Variants in TMEFF2 observed in about 807,000 individuals in gnomAD.
TMEFF2 encodes the protein transmembrane protein with EGF like and two follistatin like domains 2, also known as tomoregulin-2.
In TMEFF2, 28 loss-of-function variants were observed where a neutral mutation model predicts 53.8. The ratio of observed to expected loss-of-function variants is 0.52; its 90% CI spans 0.39 to 0.71. The LOEUF is 0.71. TMEFF2 is among the 30% of genes least tolerant of loss of function. The pLI, the probability that TMEFF2 is intolerant of heterozygous loss-of-function variation, is 0.00. For synonymous variants in TMEFF2, 162 were observed against 166.3 expected, an observed-to-expected ratio of 0.97 and a Z score of 0.20; for missense variants, 353 against 455.2, an observed-to-expected ratio of 0.78 and a Z score of 2.04.
chr2:192,037,236 C>A (rs1559096188), intron 5 of TMEFF2: 1 of 135,326 alleles, frequency 7.4e-6, no homozygotes, highest in Admixed American at 8.2e-5. Context: ...TGGGATGTTG[C>A]TAGAAGTGCA....
At chr2:192,108,839 T>C (rs945622164) in intron 4 of TMEFF2, among the ~76,000 whole-genome samples, 1 of 151,964 alleles carries the variant, frequency 6.6e-6, no homozygotes, top group African/African-American at 2.4e-5. Flanking sequence ...ATGTAATATA[T>C]AGATACTGAT....
At chr2:192,117,977 C>CTTTTTTTTTTTTTTTTTTT (rs1553521415) in intron 4 of TMEFF2, among the ~76,000 whole-genome samples, 3 of 125,040 alleles carry the variant, frequency 2.4e-5, no homozygotes, top group African/African-American at 1.1e-4. Context: ...TCTTTCATTG[C>CTTTTTTTTTTTTTTTTTTT]TTTGTTTGTG....
intron 5 of TMEFF2, among the ~76,000 whole-genome samples, chr2:192,012,018 C>T (rs1305058282): frequency 6.6e-6 from 1 of 152,086 alleles, no homozygotes; most frequent in East Asian, 1.9e-4. Flanking sequence ...TCTCGAGTAG[C>T]TGGGACTATA....
At chr2:192,062,105 T>C (rs1316239760) in intron 4 of TMEFF2, among the ~76,000 whole-genome samples, 8 of 151,878 alleles carry the variant, frequency 5.3e-5, no homozygotes, top group African/African-American at 1.5e-4. Context: ...TCAAGACACA[T>C]AGAACAACTC....
chr2:192,072,060 A>C (rs373111672), intron 4 of TMEFF2, among the ~76,000 whole-genome samples: 5 of 152,066 alleles, frequency 3.3e-5, no homozygotes, highest in African/African-American at 9.6e-5. Flanking sequence ...TTGAAAATAC[A>C]GTATGAAGCA....
intron 7 of TMEFF2, among the ~76,000 whole-genome samples, chr2:191,973,779 G>T (rs902342894): frequency 1.3e-5 from 2 of 152,020 alleles, no homozygotes; most frequent in Non-Finnish European, 2.9e-5. Context: ...TTGAATCATG[G>T]GGGCAGTTAC....
chr2:192,048,832 C>T (rs1687690580), intron 5 of TMEFF2, among the ~76,000 whole-genome samples: 1 of 152,158 alleles, frequency 6.6e-6, no homozygotes, highest in South Asian at 2.1e-4. Flanking sequence ...CTAAAAAAAC[C>T]TCAGGTTTTG....
chr2:192,075,343 T>A (rs1391716280), intron 4 of TMEFF2, among the ~76,000 whole-genome samples: 1 of 58,532 alleles, frequency 1.7e-5, no homozygotes, highest in African/African-American at 5.3e-5. Context: ...ACATACATAC[T>A]ATGTATATCC....
At chr2:192,133,959 G>A (rs1450571315) in intron 4 of TMEFF2, among the ~76,000 whole-genome samples, 1 of 152,124 alleles carries the variant, frequency 6.6e-6, no homozygotes, top group East Asian at 1.9e-4. Flanking sequence ...GGCATGGTTA[G>A]TGCAGTCAGA....
chr2:192,118,936 A>T (rs769478280), intron 4 of TMEFF2, among the ~76,000 whole-genome samples: 2 of 152,166 alleles, frequency 1.3e-5, no homozygotes, highest in Non-Finnish European at 2.9e-5. Context: ...AGGTAAGCAT[A>T]CTACTTGACA....
intron 5 of TMEFF2, among the ~76,000 whole-genome samples, chr2:192,025,297 T>C (rs1686946203): frequency 6.6e-6 from 1 of 152,040 alleles, no homozygotes; most frequent in East Asian, 1.9e-4. Flanking sequence ...AGGATGAGCC[T>C]ACAACCAAGT....
chr2:192,005,354 A>G (rs1686474805), intron 5 of TMEFF2, among the ~76,000 whole-genome samples: 1 of 152,198 alleles, frequency 6.6e-6, no homozygotes, highest in South Asian at 2.1e-4. Flanking sequence ...AATGAGTTAA[A>G]TAAGCTTCTC....
intron 5 of TMEFF2, among the ~76,000 whole-genome samples, chr2:192,005,686 G>A (rs374418725): frequency 3.9e-5 from 6 of 152,060 alleles, no homozygotes; most frequent in African/African-American, 4.8e-5. Context: ...GGGCCATTAC[G>A]CAGACCCTCT....
At chr2:192,169,567 A>G (rs929160691) in intron 4 of TMEFF2, among the ~76,000 whole-genome samples, 1 of 152,090 alleles carries the variant, frequency 6.6e-6, no homozygotes, top group South Asian at 2.1e-4. Flanking sequence ...ATATACTTAG[A>G]TAAGTATTCT....
chr2:192,001,093 G>T (rs1686346949), intron 5 of TMEFF2, among the ~76,000 whole-genome samples: 3 of 152,174 alleles, frequency 2.0e-5, no homozygotes, highest in Admixed American at 2.0e-4. Context: ...TAAAAAAGGA[G>T]TGAGGAGGTT....
chr2:192,096,667 TCTC>T (rs1178476777), intron 4 of TMEFF2, among the ~76,000 whole-genome samples: 1,593 of 32,934 alleles, frequency 0.048, 13 homozygotes, highest in African/African-American at 0.08. Context: ...TCTCTCTCTC[TCTC>T]TTTTTTTTTT....
intron 4 of TMEFF2, chr2:192,179,458 C>G: frequency 2.4e-6 from 1 of 417,932 alleles, no homozygotes; most frequent in Non-Finnish European, 4.3e-6. Flanking sequence ...GGAAGGTTAA[C>G]TGGAGATAGA....
At chr2:192,132,525 G>A (rs1689867421) in intron 4 of TMEFF2, among the ~76,000 whole-genome samples, 1 of 151,864 alleles carries the variant, frequency 6.6e-6, no homozygotes, top group Admixed American at 6.6e-5. Flanking sequence ...CCCCACAACA[G>A]GACTTAATTA....
At chr2:192,172,873 C>A (rs1341517550) in intron 4 of TMEFF2, among the ~76,000 whole-genome samples, 1 of 151,876 alleles carries the variant, frequency 6.6e-6, no homozygotes, top group Non-Finnish European at 1.5e-5. Context: ...GTAGGGCAAT[C>A]TTGCAGACTA....
Sources: gnomAD v4.1 joint callset for allele counts (sites outside exome capture counted in the v4.1 genomes callset) on GRCh38, gnomAD v4.1.1 for gene constraint, MANE v1.5 for transcripts, NCBI Gene and HGNC (gene_info 2026-07-23, HGNC 2026-07-21) for gene names.